The following MLLT10 variants were observed in gnomAD, a reference collection of about 807,000 sequenced individuals.
The protein encoded by MLLT10 is protein AF-10.
Under a neutral mutation model 129.1 loss-of-function variants are expected in MLLT10, and 30 were observed. That is an observed-to-expected ratio of 0.23 (90% CI 0.17 to 0.32). The LOEUF (loss-of-function observed/expected upper bound fraction) is 0.32, where lower values mean the gene tolerates loss of function less well. Among genes scored for constraint, MLLT10 ranks in the 10% least tolerant of loss-of-function variants. The pLI, the probability that MLLT10 is intolerant of heterozygous loss-of-function variation, is 1.00. For synonymous variants in MLLT10, 490 were observed against 446.4 expected, an observed-to-expected ratio of 1.10 and a Z score of -1.23; for missense variants, 1,119 against 1,268.3, an observed-to-expected ratio of 0.88 and a Z score of 1.79.
At chr10:21,725,661 C>A (rs2057437767) in intron 14 of MLLT10, among the ~76,000 whole-genome samples, 1 of 137,160 alleles carries the variant, frequency 7.3e-6, no homozygotes, top group Non-Finnish European at 1.5e-5. Context: ...GCGGAGGTTG[C>A]AGTGAGCCGA....
chr10:21,584,881 T>C (rs1470014698), intron 3 of MLLT10, among the ~76,000 whole-genome samples: 1 of 151,644 alleles, frequency 6.6e-6, no homozygotes, highest in Non-Finnish European at 1.5e-5. Flanking sequence ...TGTGTGTGTG[T>C]GTGTTTATAT....
intron 3 of MLLT10, among the ~76,000 whole-genome samples, chr10:21,567,561 G>T (rs2039728061): frequency 6.6e-6 from 1 of 152,070 alleles, no homozygotes; most frequent in Non-Finnish European, 1.5e-5. Flanking sequence ...TCATTAACTA[G>T]CCAATTGGAA....
chr10:21,713,760 G>GT lies in MLLT10; in HGVS notation c.1700-5dup. ...GCTAAGTTATATTTAAATAACATTTGTTTTTTTGCAGGTATTTATAACAGC... is the reference window on the plus strand; with the variant it reads ...GCTAAGTTATATTTAAATAACATTTGTTTTTTTTGCAGGTATTTATAACAGC... On this transcript the variant is annotated splice_polypyrimidine_tract_variant and intron_variant, in intron 13 of 22. Coordinates refer to ENST00000307729, the MANE Select transcript of MLLT10 (RefSeq NM_001195626.3). The GT allele has an allele frequency of 1.9e-6, 3 of 1,599,526 alleles. No homozygotes were observed. The highest frequency in any genetic ancestry group is 2.3e-5 in the East Asian group (1 of 44,432).
At chr10:21,690,050 G>T (rs1246853128) in intron 13 of MLLT10, among the ~76,000 whole-genome samples, 1 of 151,874 alleles carries the variant, frequency 6.6e-6, no homozygotes, top group East Asian at 1.9e-4. Context: ...TAGAGCTTGG[G>T]CACCAAAGAG....
intron 5 of MLLT10, among the ~76,000 whole-genome samples, chr10:21,595,979 G>A (rs2042983657): frequency 6.6e-6 from 1 of 151,496 alleles, no homozygotes; most frequent in Non-Finnish European, 1.5e-5. Context: ...TTATTCTCCT[G>A]TGCATTTTAG....
At chr10:21,660,047 C>T (rs2050006632) in intron 9 of MLLT10, among the ~76,000 whole-genome samples, 1 of 151,990 alleles carries the variant, frequency 6.6e-6, no homozygotes. Context: ...TCATTGCAGC[C>T]TTGACCTCCC....
intron 8 of MLLT10, among the ~76,000 whole-genome samples, chr10:21,629,373 C>G (rs2046789478): frequency 6.6e-6 from 1 of 151,874 alleles, no homozygotes; most frequent in African/African-American, 2.4e-5. Flanking sequence ...ATTTTAACCA[C>G]TTTGATGGCA....
chr10:21,686,060 C>T (rs2053260996), intron 13 of MLLT10, among the ~76,000 whole-genome samples: 1 of 152,132 alleles, frequency 6.6e-6, no homozygotes, highest in Admixed American at 6.5e-5. Context: ...GAACTATAAT[C>T]TTTTAATACA....
At chr10:21,606,406 A>G (rs1034493666) in intron 5 of MLLT10, among the ~76,000 whole-genome samples, 9 of 152,228 alleles carry the variant, frequency 5.9e-5, no homozygotes, top group East Asian at 1.9e-4. Flanking sequence ...TCGAAAGGCT[A>G]TGGCTGCTAT....
intron 14 of MLLT10, among the ~76,000 whole-genome samples, chr10:21,717,185 A>G (rs932915758): frequency 3.1e-4 from 41 of 134,302 alleles, no homozygotes; most frequent in South Asian, 5.2e-4. Flanking sequence ...CCTGGGAGGC[A>G]GAGGTTGCGG....
intron 5 of MLLT10, among the ~76,000 whole-genome samples, chr10:21,598,867 G>A (rs550459289): frequency 3.0e-4 from 46 of 151,226 alleles, no homozygotes; most frequent in African/African-American, 1.1e-3. Context: ...CCTGAATAAC[G>A]GAGTGAGATT....
In MLLT10 at chr10:21,586,275, T is replaced by G. The variant is rs765757255; in HGVS notation, c.241-19T>G. 6.6e-7 allele frequency: 1 copy of G among 1,505,200 alleles called. No homozygotes were observed. The highest frequency in any genetic ancestry group is 9.0e-7 in the Non-Finnish European group (1 of 1,106,270). 93.2% of individuals were successfully genotyped at this position (1,505,200 alleles called of 1,614,324 possible). A position where few individuals can be genotyped will look rare whatever the true frequency, so the allele number is the denominator to read the frequency against. On this transcript the variant is annotated intron_variant, in intron 3 of 22. Transcript: ENST00000307729. ...TAATCTGAAATATTCATTACCTGTT[T>G]CTTTTTTTTTTTTTATAGAGATGTG...
At chr10:21,682,123 C>G (rs1294436284) in intron 12 of MLLT10, 102 bp from the exon 13 acceptor site, 2 of 888,432 alleles carry the variant, frequency 2.3e-6, no homozygotes, top group Admixed American at 2.8e-5. Flanking sequence ...ATATGATAGA[C>G]TTACTGAAAT....
intron 20 of MLLT10, 78 bp from the exon 21 acceptor site, chr10:21,735,061 A>T: frequency 1.0e-6 from 1 of 1,003,012 alleles, no homozygotes; most frequent in Non-Finnish European, 1.5e-6. Flanking sequence ...CAAATTGAAA[A>T]GTTGTCTTTC....
At chr10:21,617,921 G>T (rs1413958798) in intron 8 of MLLT10, among the ~76,000 whole-genome samples, 1 of 152,168 alleles carries the variant, frequency 6.6e-6, no homozygotes, top group East Asian at 1.9e-4. Context: ...TACCCAGGAG[G>T]CTGAGGCGAG....
intron 3 of MLLT10, among the ~76,000 whole-genome samples, chr10:21,585,509 A>G (rs1483639293): frequency 1.3e-5 from 2 of 152,142 alleles, no homozygotes; most frequent in East Asian, 3.9e-4. Context: ...CATGCATGAG[A>G]TCATTTCTTG....
intron 3 of MLLT10, among the ~76,000 whole-genome samples, chr10:21,562,433 G>A (rs1260168044): frequency 6.6e-6 from 1 of 151,748 alleles, no homozygotes; most frequent in African/African-American, 2.4e-5. Flanking sequence ...TGCCTCCTGG[G>A]TTCAAGCAAT....
chr10:21,722,964 A>G (rs2057238364), intron 14 of MLLT10, among the ~76,000 whole-genome samples: 1 of 152,220 alleles, frequency 6.6e-6, no homozygotes, highest in African/African-American at 2.4e-5. Context: ...GGTAAAATTA[A>G]TAACTTTTAA....
chr10:21,669,465 GA>G (rs1425178629), intron 9 of MLLT10, among the ~76,000 whole-genome samples: 1 of 152,084 alleles, frequency 6.6e-6, no homozygotes, highest in African/African-American at 2.4e-5. Flanking sequence ...CATATTTTCA[GA>G]TTTTTTTCAT....
Sources: gnomAD v4.1 joint callset for allele counts (sites outside exome capture counted in the v4.1 genomes callset) on GRCh38, gnomAD v4.1.1 for gene constraint, MANE v1.5 for transcripts, NCBI Gene and HGNC (gene_info 2026-07-23, HGNC 2026-07-21) for gene names.